Variants in GSE1 observed in about 807,000 individuals in gnomAD.
GSE1 encodes genetic suppressor element 1.
In GSE1, 32 loss-of-function variants were observed where a neutral mutation model predicts 112.6. The observed-to-expected ratio is 0.28, with a 90% CI of 0.21 to 0.38. GSE1 has a LOEUF of 0.38. Among genes scored for constraint, GSE1 ranks in the 10% least tolerant of loss-of-function variants. GSE1 has a pLI of 1.00. For missense variants in GSE1, 2,348 were observed against 1,699.2 expected, an observed-to-expected ratio of 1.38 and a Z score of -6.71; for synonymous variants, 1,115 against 735.6, an observed-to-expected ratio of 1.52 and a Z score of -8.35.
intron 2 of GSE1, among the ~76,000 whole-genome samples, chr16:85,432,020 G>A (rs1203921021): frequency 6.6e-6 from 1 of 152,194 alleles, no homozygotes; most frequent in African/African-American, 2.4e-5. Context: ...CGAGTGCTGG[G>A]ACGCACACCG....
In GSE1 at chr16:85,598,638, T is replaced by C. The variant is rs181758566; in HGVS notation, c.37+42275T>C. ...GCAGCAAAGGCAAGGGAAGACGCCT[T>C]CTGGGCAGGCAGGCCAAGAGGGGCT... On this transcript the variant is annotated intron_variant, in intron 1 of 2. Coordinates refer to the GSE1 transcript ENST00000635906. Among the ~76,000 whole-genome samples, 1,377 of 150,628 alleles carry C rather than the reference T, an allele frequency of 9.1e-3. 12 individuals are homozygous for C. Among genetic ancestry groups the C allele is most frequent in the Non-Finnish European group, 0.012 (814 of 68,018 alleles).
chr16:85,259,655 G>A (rs1907461653), intron 1 of GSE1, among the ~76,000 whole-genome samples: 1 of 152,198 alleles, frequency 6.6e-6, no homozygotes, highest in Admixed American at 6.5e-5. Flanking sequence ...GGGCCACACA[G>A]GTGGCAGAGG....
intron 1 of GSE1, among the ~76,000 whole-genome samples, chr16:85,299,353 G>A (rs552022040): frequency 3.5e-4 from 54 of 152,300 alleles, no homozygotes; most frequent in Admixed American, 2.1e-3. Context: ...AGAGCCAGGG[G>A]CAGGACCTGG....
intron 1 of GSE1, among the ~76,000 whole-genome samples, chr16:85,583,938 G>T (rs1034125147): frequency 1.3e-5 from 2 of 152,216 alleles, no homozygotes; most frequent in Non-Finnish European, 2.9e-5. Flanking sequence ...AGTACAAAAC[G>T]CTGTTTCAAA....
chr16:85,398,557 C>G (rs2048019491), intron 2 of GSE1, among the ~76,000 whole-genome samples: 1 of 152,156 alleles, frequency 6.6e-6, no homozygotes, highest in African/African-American at 2.4e-5. Context: ...GGAGAACTGC[C>G]TAGGACATGG....
At chr16:85,380,626 C>G (rs945259714) in intron 2 of GSE1, among the ~76,000 whole-genome samples, 2 of 152,146 alleles carry the variant, frequency 1.3e-5, no homozygotes, top group African/African-American at 4.8e-5. Flanking sequence ...GATCTGTGCT[C>G]TGCATTAGAC....
chr16:85,199,067 C>T (rs1002454737), intron 1 of GSE1, among the ~76,000 whole-genome samples: 1 of 152,144 alleles, frequency 6.6e-6, no homozygotes. Context: ...GCCTCAGCCT[C>T]CCGAGTAGCT....
At chr16:85,656,694 G>T in intron 7 of GSE1, 29 bp downstream of exon 7, 1 of 1,470,284 alleles carries the variant, frequency 6.8e-7, no homozygotes, top group Non-Finnish European at 9.0e-7. Flanking sequence ...GCTGTGCTGG[G>T]CAAGGTCTCA....
chr16:85,570,601 A>G (rs1446972615), intron 1 of GSE1, among the ~76,000 whole-genome samples: 1 of 152,014 alleles, frequency 6.6e-6, no homozygotes, highest in Non-Finnish European at 1.5e-5. Context: ...TCTCGGAGAG[A>G]GGTGGCCAGC....
In GSE1 at chr16:85,656,669, C is replaced by T. The variant is rs373810177; in HGVS notation, c.1312+4C>T. On this transcript the variant is annotated splice_donor_region_variant and intron_variant, in intron 7 of 15. Transcript: ENST00000253458. ...CAGCTGACCCCAACCCGAGCAGGTA[C>T]CTGGGCGTGGGTGGGCTGTGCTGGG... The T allele has an allele frequency of 4.9e-5, 74 of 1,505,494 alleles. No individual in the cohort carries two copies. Among genetic ancestry groups the T allele is most frequent in the Non-Finnish European group, 3.8e-5 (43 of 1,126,474 alleles). The allele number at this position is 1,505,494 out of a possible 1,614,324, so 93.3% of individuals were successfully genotyped here.
chr16:85,331,355 GTGTGTGTGTGTATATA>G lies in GSE1; in HGVS notation c.2284-26104_2284-26089del, dbSNP rs1399746473. 3.0e-3 allele frequency among the ~76,000 whole-genome samples: 171 copies of G among 57,244 alleles called. 8 individuals are homozygous for G. Among genetic ancestry groups the G allele is most frequent in the East Asian group, 9.5e-3 (14 of 1,480 alleles). The allele number at this position is 57,244 out of a possible 152,430, so 37.6% of individuals were successfully genotyped here. ...TGTGTGTGTGTGTGTGTGTGTGTGTGTGTGTGTGTGTATATATGTATATATATGTATATATATGTGT... is the reference window on the plus strand; with the variant it reads ...TGTGTGTGTGTGTGTGTGTGTGTGTGTGTATATATATGTATATATATGTGT... On this transcript the variant is annotated intron_variant, in intron 1 of 2. Coordinates refer to the GSE1 transcript ENST00000637419.
chr16:85,582,700 C>T (rs982924719), intron 1 of GSE1, among the ~76,000 whole-genome samples: 2 of 152,114 alleles, frequency 1.3e-5, no homozygotes, highest in African/African-American at 2.4e-5. Flanking sequence ...CTCTTCTCCA[C>T]GGTTCAGGGC....
intron 1 of GSE1, among the ~76,000 whole-genome samples, chr16:85,625,316 C>T (rs139864139): frequency 4.1e-4 from 62 of 152,354 alleles, no homozygotes; most frequent in African/African-American, 1.4e-3. Context: ...CGCCTCCATC[C>T]GGGAACCTCC....
intron 2 of GSE1, among the ~76,000 whole-genome samples, chr16:85,475,767 A>C (rs2050432193): frequency 1.6e-5 from 2 of 121,614 alleles, no homozygotes; most frequent in Non-Finnish European, 1.7e-5. Context: ...GTTTCTTCTA[A>C]TTGTTTTTCT....
intron 1 of GSE1, among the ~76,000 whole-genome samples, chr16:85,261,843 C>T (rs1907723070): frequency 6.6e-6 from 1 of 152,208 alleles, no homozygotes; most frequent in Non-Finnish European, 1.5e-5. Flanking sequence ...AGCTGGGCAG[C>T]AGTGGGGCGT....
intron 2 of GSE1, among the ~76,000 whole-genome samples, chr16:85,477,132 T>C (rs2050483483): frequency 6.6e-6 from 1 of 152,124 alleles, no homozygotes; most frequent in South Asian, 2.1e-4. Context: ...TTCGCCATGT[T>C]GGCCAGGGTG....
chr16:85,560,159 C>T (rs1422565524), intron 1 of GSE1, among the ~76,000 whole-genome samples: 1 of 109,732 alleles, frequency 9.1e-6, no homozygotes, highest in Non-Finnish European at 1.7e-5. Flanking sequence ...TTATGTGAGA[C>T]GGAGTCTCTC....
chr16:85,417,806 C>T (rs975592219), intron 2 of GSE1, among the ~76,000 whole-genome samples: 1 of 152,258 alleles, frequency 6.6e-6, no homozygotes, highest in African/African-American at 2.4e-5. Context: ...ATTTCTGATT[C>T]CATGGGTCTG....
chr16:85,663,383 C>A lies in GSE1; in HGVS notation c.2413C>A (p.Gln805Lys), dbSNP rs752802276. The A allele has an allele frequency of 6.2e-7, 1 of 1,613,962 alleles. No individual in the cohort carries two copies. The highest frequency in any genetic ancestry group is 8.5e-7 in the Non-Finnish European group (1 of 1,180,026). ...FLQLFGLTTQ[Q>K]QKEELVAQKR... ...GCAACTTTTTGGCTTGACCACCCAA[C>A]AGCAGAAGGAGGAATTGGTGGCCCA... The change falls in exon 11 of 16, where the codon CAG (glutamine) becomes AAG (lysine). Residue 805 changes from glutamine to lysine, a missense_variant. By Grantham distance (53) the Gln-to-Lys change is moderately conservative. Transcript: ENST00000253458.
Sources: gnomAD v4.1 joint callset for allele counts (sites outside exome capture counted in the v4.1 genomes callset) on GRCh38, gnomAD v4.1.1 for gene constraint, MANE v1.5 for transcripts, NCBI Gene and HGNC (gene_info 2026-07-23, HGNC 2026-07-21) for gene names.